LIMS1: variants seen among roughly 807,000 people sequenced by gnomAD.
LIMS1 encodes LIM and senescent cell antigen-like-containing domain protein 1.
In LIMS1, 18 loss-of-function variants were observed where a neutral mutation model predicts 44.1. The observed-to-expected ratio is 0.41, with a 90% CI of 0.28 to 0.61. The LOEUF (loss-of-function observed/expected upper bound fraction) is 0.61, where lower values mean the gene tolerates loss of function less well. Among genes scored for constraint, LIMS1 ranks in the 20% least tolerant of loss-of-function variants. The pLI, the probability that LIMS1 is intolerant of heterozygous loss-of-function variation, is 0.32. For missense variants in LIMS1, 201 were observed against 422.0 expected, an observed-to-expected ratio of 0.48 and a Z score of 4.59; for synonymous variants, 93 against 149.1, an observed-to-expected ratio of 0.62 and a Z score of 2.74.
intron 1 of LIMS1, among the ~76,000 whole-genome samples, chr2:108,576,774 C>T (rs73952504): frequency 0.026 from 3,924 of 152,198 alleles, 167 homozygotes; most frequent in African/African-American, 0.09. Flanking sequence ...ACAAAGTTCC[C>T]AGTCTCAGAG....
chr2:108,576,855 TC>T (rs1685688586), intron 1 of LIMS1, among the ~76,000 whole-genome samples: 1 of 152,004 alleles, frequency 6.6e-6, no homozygotes, highest in African/African-American at 2.4e-5. Context: ...TTGGTAAATA[TC>T]CTAAAAAGAG....
At chr2:108,567,602 C>T (rs369071592) in intron 1 of LIMS1, among the ~76,000 whole-genome samples, 7 of 152,096 alleles carry the variant, frequency 4.6e-5, no homozygotes, top group Non-Finnish European at 1.0e-4. Flanking sequence ...GATGGAGTCT[C>T]GCTCTGTCAT....
chr2:108,683,185 AC>A (rs1158794757), intron 9 of LIMS1, among the ~76,000 whole-genome samples: 1 of 152,118 alleles, frequency 6.6e-6, no homozygotes, highest in Non-Finnish European at 1.5e-5. Flanking sequence ...AACCAAAATA[AC>A]CCCTTATAAT....
chr2:108,671,405 G>A (rs763682690), intron 3 of LIMS1, among the ~76,000 whole-genome samples: 8 of 152,282 alleles, frequency 5.3e-5, no homozygotes, highest in East Asian at 3.9e-4. Flanking sequence ...ATCGGGTGGC[G>A]TTTGGGAGTG....
intron 1 of LIMS1, among the ~76,000 whole-genome samples, chr2:108,559,585 CTCTT>C (rs1685044301): frequency 6.6e-6 from 1 of 152,176 alleles, no homozygotes; most frequent in African/African-American, 2.4e-5. Context: ...AAAATCTAAT[CTCTT>C]TATAGGATCA....
intron 1 of LIMS1, among the ~76,000 whole-genome samples, chr2:108,561,284 G>A (rs1249741524): frequency 1.3e-5 from 2 of 152,176 alleles, no homozygotes; most frequent in Non-Finnish European, 2.9e-5. Flanking sequence ...GTTATTTTCT[G>A]ACTGTGCTTA....
At chr2:108,605,046 A>AG (rs921863413) in intron 1 of LIMS1, among the ~76,000 whole-genome samples, 1 of 152,168 alleles carries the variant, frequency 6.6e-6, no homozygotes, top group Admixed American at 6.5e-5. Flanking sequence ...GCTGCAGCTG[A>AG]GGCACAGGAA....
chr2:108,542,299 A>G (rs919047210), intron 1 of LIMS1, among the ~76,000 whole-genome samples: 3 of 152,078 alleles, frequency 2.0e-5, no homozygotes, highest in African/African-American at 7.2e-5. Flanking sequence ...TGTTTTGGAA[A>G]CTCGGTTAGT....
chr2:108,679,102 G>A (rs2912867), intron 8 of LIMS1, among the ~76,000 whole-genome samples: 14 of 152,028 alleles, frequency 9.2e-5, no homozygotes, highest in Non-Finnish European at 2.1e-4. Flanking sequence ...CAATATAACA[G>A]TACAAATAGT....
intron 1 of LIMS1, among the ~76,000 whole-genome samples, chr2:108,558,443 T>G (rs1020205553): frequency 6.6e-6 from 1 of 151,790 alleles, no homozygotes; most frequent in African/African-American, 2.4e-5. Flanking sequence ...TCTCCTGACC[T>G]CGTGATCCGC....
chr2:108,555,492 T>C (rs1176075062), intron 1 of LIMS1, among the ~76,000 whole-genome samples: 1 of 152,192 alleles, frequency 6.6e-6, no homozygotes, highest in Non-Finnish European at 1.5e-5. Flanking sequence ...CAGTTTGACT[T>C]TGGGTTTTCT....
intron 1 of LIMS1, among the ~76,000 whole-genome samples, chr2:108,579,699 C>A (rs1022261777): frequency 6.6e-6 from 1 of 152,228 alleles, no homozygotes; most frequent in African/African-American, 2.4e-5. Flanking sequence ...GTATTCACAG[C>A]GAGCCTGCCC....
At chr2:108,634,812 C>T (rs1349838098) in intron 1 of LIMS1, among the ~76,000 whole-genome samples, 2 of 152,258 alleles carry the variant, frequency 1.3e-5, no homozygotes, top group African/African-American at 2.4e-5. Context: ...CGGCCAGGCG[C>T]AGCAGAGCAC....
chr2:108,552,742 A>G (rs1210756458), intron 1 of LIMS1, among the ~76,000 whole-genome samples: 1 of 151,618 alleles, frequency 6.6e-6, no homozygotes, highest in Non-Finnish European at 1.5e-5. Flanking sequence ...ATGACAAGCT[A>G]ATTTTTACAT....
exon 1 of LIMS1, chr2:108,534,536 G>A: frequency 1.7e-6 from 2 of 1,209,748 alleles, no homozygotes; most frequent in Non-Finnish European, 2.1e-6. Context: ...GAGGGGCTGA[G>A]AGACGGCGGC....
chr2:108,596,915 GTTTTT>G (rs34313967), intron 1 of LIMS1, among the ~76,000 whole-genome samples: 1 of 68,472 alleles, frequency 1.5e-5, no homozygotes, highest in Admixed American at 2.1e-4. Flanking sequence ...CGAAACATCT[GTTTTT>G]TTTTTTTTTT....
In LIMS1 at chr2:108,620,105, A is replaced by G. The variant is rs568300056; in HGVS notation, c.33-39500A>G. 7.2e-5 allele frequency among the ~76,000 whole-genome samples: 11 copies of G among 152,346 alleles called. No homozygotes were observed. The South Asian group carries it at 2.3e-3, about 32-fold the overall frequency. On this transcript the variant is annotated intron_variant, in intron 1 of 9. Transcript: ENST00000544547. ...TTCCTGGGGCCGTGGACCTAGCGTA[A>G]CAAATGGTAGCCCTCAGGGGAACTA...
chr2:108,581,923 G>A (rs1685900520), intron 1 of LIMS1, among the ~76,000 whole-genome samples: 1 of 149,678 alleles, frequency 6.7e-6, no homozygotes, highest in African/African-American at 2.5e-5. Context: ...GGCAACAAGA[G>A]TGAAACTCCA....
chr2:108,587,585 A>G (rs888351189), intron 1 of LIMS1, among the ~76,000 whole-genome samples: 4 of 152,130 alleles, frequency 2.6e-5, no homozygotes, highest in Admixed American at 6.6e-5. Context: ...TGATTCCTCT[A>G]TAATAAAGGA....
Sources: allele counts gnomAD v4.1 joint callset (sites outside exome capture counted in the v4.1 genomes callset), GRCh38; gene constraint gnomAD v4.1.1; transcripts MANE v1.5; gene names NCBI Gene and HGNC (gene_info 2026-07-23, HGNC 2026-07-21).